The following RTL4 variants were observed in gnomAD, a reference collection of about 807,000 sequenced individuals.
RTL4 encodes the protein retrotransposon Gag like 4.
In RTL4, 4 loss-of-function variants were observed where a neutral mutation model predicts 5.3. The observed-to-expected ratio is 0.75, with a 90% CI of 0.37 to 1.72. RTL4 has a LOEUF of 1.72. Among genes scored for constraint, RTL4 ranks in the 40% most tolerant of loss-of-function variants. The probability of loss-of-function intolerance (pLI) is 0.04; values close to 1 mark genes in which losing one functional copy is unlikely to be tolerated. For synonymous variants in RTL4, 98 were observed against 87.3 expected (o/e 1.12, Z -0.68); for missense variants, 260 against 227.1 (o/e 1.14, Z -0.93).
chrX:112,330,987 A>G, the RTL4 span, among the ~76,000 whole-genome samples: 2 of 109,503 alleles, frequency 1.8e-5, no homozygotes, highest in Admixed American at 9.8e-5. Flanking sequence ...CCTTCCTTAT[A>G]CCTTATACAA....
chrX:112,157,608 C>G, the RTL4 span, among the ~76,000 whole-genome samples: 1 of 111,954 alleles, frequency 8.9e-6, no homozygotes, highest in African/African-American at 3.2e-5. Flanking sequence ...GTCTTTGCAA[C>G]AATTACCTCT....
chrX:112,261,771 C>T, the RTL4 span, among the ~76,000 whole-genome samples: 1 of 112,064 alleles, frequency 8.9e-6, no homozygotes, highest in Admixed American at 9.4e-5. Flanking sequence ...CTGGAGGCAT[C>T]ACACTACCTG....
chrX:112,176,151 G>C, the RTL4 span, among the ~76,000 whole-genome samples: 110 of 111,017 alleles, frequency 9.9e-4, no homozygotes, highest in African/African-American at 3.3e-3. Flanking sequence ...AGAATACTTA[G>C]GAATCCAACT....
At chrX:112,390,029 G>A in the RTL4 span, among the ~76,000 whole-genome samples, 1 of 92,404 alleles carries the variant, frequency 1.1e-5, no homozygotes, top group Non-Finnish European at 2.1e-5. Flanking sequence ...TATTGTGTGG[G>A]AGTCTGTGGC....
the RTL4 span, among the ~76,000 whole-genome samples, chrX:112,399,387 T>A: frequency 1.8e-3 from 200 of 111,500 alleles, no homozygotes; most frequent in Middle Eastern, 0.019. Flanking sequence ...TTTTTTCTAG[T>A]TTTTTAAGGT....
At chrX:112,275,500 G>T in the RTL4 span, among the ~76,000 whole-genome samples, 8 of 111,935 alleles carry the variant, frequency 7.1e-5, no homozygotes, top group African/African-American at 2.6e-4. Context: ...TCAAATGCAA[G>T]CCCTGAAATT....
At chrX:112,283,290 C>A in the RTL4 span, among the ~76,000 whole-genome samples, 1 of 111,818 alleles carries the variant, frequency 8.9e-6, no homozygotes, top group Non-Finnish European at 1.9e-5. Flanking sequence ...AACTCATTCA[C>A]CTTTTTTGGA....
At chrX:112,417,967 G>T in the RTL4 span, among the ~76,000 whole-genome samples, 1 of 110,882 alleles carries the variant, frequency 9.0e-6, no homozygotes, top group African/African-American at 3.3e-5. Context: ...TGTTAACATA[G>T]TTAAACCCTG....
chrX:112,378,036 T>C, the RTL4 span, among the ~76,000 whole-genome samples: 1 of 111,544 alleles, frequency 9.0e-6, no homozygotes, highest in African/African-American at 3.3e-5. Flanking sequence ...TAAGGTTTGA[T>C]GGACCTAAAT....
chrX:112,197,041 G>GACCA, the RTL4 span, among the ~76,000 whole-genome samples: 1 of 107,946 alleles, frequency 9.3e-6, no homozygotes, highest in Non-Finnish European at 1.9e-5. Flanking sequence ...CTATTTATAT[G>GACCA]TTTGTATGTC....
the RTL4 span, among the ~76,000 whole-genome samples, chrX:112,091,888 A>G: frequency 9.0e-6 from 1 of 110,741 alleles, no homozygotes; most frequent in East Asian, 2.8e-4. Context: ...CTTGCTTTGT[A>G]TATTTGGGTT....
At chrX:112,224,822 C>T in the RTL4 span, among the ~76,000 whole-genome samples, 1 of 111,353 alleles carries the variant, frequency 9.0e-6, no homozygotes, top group Admixed American at 9.6e-5. Flanking sequence ...CACTCCCTAC[C>T]AACTTTATTT....
the RTL4 span, among the ~76,000 whole-genome samples, chrX:112,309,997 C>T: frequency 2.1e-4 from 22 of 104,329 alleles, no homozygotes; most frequent in African/African-American, 7.7e-4. Context: ...GGAGGTTGCA[C>T]AGACCCGAGA....
At chrX:112,330,600 C>T in the RTL4 span, among the ~76,000 whole-genome samples, 1 of 110,553 alleles carries the variant, frequency 9.0e-6, no homozygotes, top group Admixed American at 9.7e-5. Context: ...TTTACAGATT[C>T]AATGCCATCC....
At chrX:112,398,396 CTT>C in the RTL4 span, among the ~76,000 whole-genome samples, 1 of 72,168 alleles carries the variant, frequency 1.4e-5, no homozygotes, top group African/African-American at 6.0e-5. Context: ...TTCTTTCTTT[CTT>C]TTTTTTTTTT....
At chrX:112,174,111 A>T in the RTL4 span, among the ~76,000 whole-genome samples, 1 of 96,198 alleles carries the variant, frequency 1.0e-5, no homozygotes, top group South Asian at 5.0e-4. Flanking sequence ...TTTAAGTTTT[A>T]GGATACATGT....
the RTL4 span, among the ~76,000 whole-genome samples, chrX:112,164,002 T>C: frequency 1.8e-5 from 2 of 112,017 alleles, no homozygotes; most frequent in African/African-American, 3.3e-5. Flanking sequence ...AAACATGACA[T>C]GCCTCCCTTT....
At chrX:112,357,455 AAAG>A in the RTL4 span, among the ~76,000 whole-genome samples, 1 of 110,568 alleles carries the variant, frequency 9.0e-6, no homozygotes, top group Admixed American at 9.7e-5. Context: ...TTTAACCAGA[AAAG>A]AAGATGTTGG....
the RTL4 span, among the ~76,000 whole-genome samples, chrX:112,376,643 T>G: frequency 8.9e-6 from 1 of 112,435 alleles, no homozygotes; most frequent in East Asian, 2.8e-4. Flanking sequence ...GGATATTTAC[T>G]GCAGGTTTAC....
Sources: allele counts gnomAD v4.1 joint callset (sites outside exome capture counted in the v4.1 genomes callset), GRCh38; gene constraint gnomAD v4.1.1; transcripts MANE v1.5; gene names NCBI Gene and HGNC (gene_info 2026-07-23, HGNC 2026-07-21).